Variants in FOXP1 observed in about 807,000 individuals in gnomAD.
FOXP1 encodes forkhead box P1, also known as forkhead box protein P1.
Under a neutral mutation model 98.2 loss-of-function variants are expected in FOXP1, and 15 were observed. The ratio of observed to expected loss-of-function variants is 0.15; its 90% CI spans 0.10 to 0.24. The LOEUF is 0.24. FOXP1 is among the 10% of genes least tolerant of loss of function. FOXP1 has a pLI of 1.00. For synonymous variants in FOXP1, 371 were observed against 314.5 expected (o/e 1.18, Z -1.90); for missense variants, 633 against 848.5 (o/e 0.75, Z 3.15).
intron 1 of FOXP1, 168 bp from the exon 2 acceptor site, chr3:71,581,865 G>C (rs2048199062): frequency 1.0e-6 from 1 of 985,756 alleles, no homozygotes; most frequent in East Asian, 1.1e-4. Context: ...ATGCGGCTCA[G>C]GGAATCCCTG....
rs2031897822 is a variant in FOXP1, at chr3:70,956,731, AGTTTTTTTTTTT to A, written c.*2504_*2515del. ...TGCACATCATGAAGCTGCCTGGAAAAGTTTTTTTTTTTTTTTTTTTTTTTTTTTTTTTTTTTT... is the reference window on the plus strand; with the variant it reads ...TGCACATCATGAAGCTGCCTGGAAAATTTTTTTTTTTTTTTTTTTTTTTTT... On this transcript the variant is annotated 3_prime_UTR_variant, in exon 21 of 21. Coordinates refer to ENST00000649528, the MANE Select transcript of FOXP1 (RefSeq NM_001349338.3). 6 of 101,750 alleles carry A rather than the reference AGTTTTTTTTTTT, an allele frequency of 5.9e-5. No homozygotes were observed. The highest frequency in any genetic ancestry group is 1.2e-4 in the African/African-American group (3 of 25,584). 6.3% of individuals were successfully genotyped at this position (101,750 alleles called of 1,614,324 possible).
At chr3:71,574,254 T>C (rs1047862730) in intron 2 of FOXP1, 1 of 152,180 alleles carries the variant, frequency 6.6e-6, no homozygotes. Flanking sequence ...GCTATTAAAA[T>C]AAAGCCACAC....
chr3:71,176,269 G>A (rs1303207801), intron 6 of FOXP1, among the ~76,000 whole-genome samples: 1 of 152,078 alleles, frequency 6.6e-6, no homozygotes. Flanking sequence ...CAAACACAAG[G>A]GCAATAAAGG....
intron 5 of FOXP1, among the ~76,000 whole-genome samples, chr3:71,224,961 G>A (rs2065717746): frequency 6.6e-6 from 1 of 152,196 alleles, no homozygotes; most frequent in South Asian, 2.1e-4. Context: ...GAGTGAATGA[G>A]TGCCTAAGTG....
intron 14 of FOXP1, among the ~76,000 whole-genome samples, chr3:70,984,059 G>T (rs749225886): frequency 6.6e-6 from 1 of 152,128 alleles, no homozygotes; most frequent in African/African-American, 2.4e-5. Flanking sequence ...TCTTTCCATA[G>T]AAAAGAATAG....
At chr3:71,000,940 G>A (rs1239380699) in intron 13 of FOXP1, 32 bp downstream of exon 13, 3 of 1,404,764 alleles carry the variant, frequency 2.1e-6, no homozygotes, top group Non-Finnish European at 3.0e-6. Context: ...GAGGCATACT[G>A]AGGTTAATAT....
chr3:71,442,099 G>A (rs2085993200), intron 3 of FOXP1, among the ~76,000 whole-genome samples: 1 of 152,098 alleles, frequency 6.6e-6, no homozygotes, highest in Non-Finnish European at 1.5e-5. Flanking sequence ...AACCATCTAG[G>A]GAACTCATAT....
At chr3:71,394,257 G>A (rs569931180) in intron 3 of FOXP1, among the ~76,000 whole-genome samples, 30 of 152,306 alleles carry the variant, frequency 2.0e-4, no homozygotes, top group South Asian at 4.1e-4. Flanking sequence ...TTAGAGATAC[G>A]TTTTTAAAAC....
intron 7 of FOXP1, among the ~76,000 whole-genome samples, chr3:71,061,422 T>C (rs1576509123): frequency 1.3e-5 from 2 of 152,170 alleles, no homozygotes; most frequent in Admixed American, 6.5e-5. Flanking sequence ...AACTTTTTTA[T>C]GTAGGCAGTT....
At chr3:71,033,298 G>A (rs2047118701) in intron 11 of FOXP1, among the ~76,000 whole-genome samples, 1 of 152,036 alleles carries the variant, frequency 6.6e-6, no homozygotes, top group Non-Finnish European at 1.5e-5. Flanking sequence ...GTTTTGGGTG[G>A]GAAATCTGGC....
At chr3:71,528,508 A>G (rs1011044181) in intron 2 of FOXP1, among the ~76,000 whole-genome samples, 2 of 152,222 alleles carry the variant, frequency 1.3e-5, no homozygotes, top group African/African-American at 2.4e-5. Context: ...AATGTCCTCA[A>G]AACTTACTCA....
intron 6 of FOXP1, among the ~76,000 whole-genome samples, chr3:71,121,570 GC>G (rs2107821515): frequency 6.6e-6 from 1 of 152,140 alleles, no homozygotes; most frequent in African/African-American, 2.4e-5. Context: ...CCCTCTTGGA[GC>G]CAGTGCCAGA....
chr3:71,426,885 A>AC (rs1486895590), intron 3 of FOXP1, among the ~76,000 whole-genome samples: 7 of 151,984 alleles, frequency 4.6e-5, no homozygotes, highest in African/African-American at 2.4e-5. Context: ...ACATGGTGAA[A>AC]CCCCATCTCT....
intron 6 of FOXP1, among the ~76,000 whole-genome samples, chr3:71,175,908 A>G (rs1252783526): frequency 6.6e-6 from 1 of 152,234 alleles, no homozygotes; most frequent in Non-Finnish European, 1.5e-5. Flanking sequence ...ACACAGACAC[A>G]GGAACACAAA....
At chr3:71,103,161 G>GTGAA (rs1021421956) in intron 7 of FOXP1, among the ~76,000 whole-genome samples, 1 of 152,156 alleles carries the variant, frequency 6.6e-6, no homozygotes, top group Admixed American at 6.5e-5. Context: ...TCTCAAGATA[G>GTGAA]TGAAGTTCAA....
chr3:71,434,292 C>G (rs556229395), intron 3 of FOXP1, among the ~76,000 whole-genome samples: 1 of 151,382 alleles, frequency 6.6e-6, no homozygotes, highest in African/African-American at 2.4e-5. Flanking sequence ...AAGACTTGTT[C>G]CCCCGCAGTC....
At chr3:71,575,782 T>C (rs560195360) in intron 2 of FOXP1, among the ~76,000 whole-genome samples, 4 of 152,322 alleles carry the variant, frequency 2.6e-5, no homozygotes, top group Non-Finnish European at 4.4e-5. Context: ...AAAGAACATA[T>C]GTTAAAATAT....
chr3:71,089,394 C>T (rs2055535281), intron 7 of FOXP1, among the ~76,000 whole-genome samples: 1 of 152,176 alleles, frequency 6.6e-6, no homozygotes, highest in African/African-American at 2.4e-5. Flanking sequence ...AATCATGCCC[C>T]AGCCTCACAT....
intron 14 of FOXP1, among the ~76,000 whole-genome samples, chr3:70,983,824 A>G (rs1195178354): frequency 2.6e-5 from 4 of 152,236 alleles, no homozygotes; most frequent in Non-Finnish European, 2.9e-5. Flanking sequence ...TAATAAAGTC[A>G]TCATATCACA....
Sources: allele counts gnomAD v4.1 joint callset (sites outside exome capture counted in the v4.1 genomes callset), GRCh38; gene constraint gnomAD v4.1.1; transcripts MANE v1.5; gene names NCBI Gene and HGNC (gene_info 2026-07-23, HGNC 2026-07-21).